CSMD1: variants seen among roughly 807,000 people sequenced by gnomAD.
The protein encoded by CSMD1 is CUB and Sushi multiple domains 1.
Under a neutral mutation model 417.5 loss-of-function variants are expected in CSMD1, and 213 were observed. The observed-to-expected ratio is 0.51, with a 90% CI of 0.46 to 0.57. The LOEUF (loss-of-function observed/expected upper bound fraction) is 0.57, where lower values mean the gene tolerates loss of function less well. Ranked by LOEUF, CSMD1 falls within the 20% of genes least tolerant of loss-of-function variation. The pLI, the probability that CSMD1 is intolerant of heterozygous loss-of-function variation, is 0.00. For missense variants in CSMD1, 6,923 were observed against 4,529.7 expected, an observed-to-expected ratio of 1.53 and a Z score of -15.17; for synonymous variants, 2,862 against 1,736.8, an observed-to-expected ratio of 1.65 and a Z score of -16.11.
chr8:3,081,635 A>G, intron 49 of CSMD1, among the ~76,000 whole-genome samples: 1 of 152,182 alleles, frequency 6.6e-6, no homozygotes, highest in East Asian at 1.9e-4. Context: ...ATTTATAACC[A>G]CTTTTGACCA....
chr8:3,198,513 GT>G (rs1796822191), intron 33 of CSMD1, among the ~76,000 whole-genome samples: 1 of 152,178 alleles, frequency 6.6e-6, no homozygotes, highest in Non-Finnish European at 1.5e-5. Flanking sequence ...TTATAACAAT[GT>G]AACACCTTTT....
chr8:4,756,404 A>C lies in CSMD1; in HGVS notation c.86-118846T>G, dbSNP rs568145369. Among the ~76,000 whole-genome samples the C allele has an allele frequency of 3.3e-5, 5 of 152,334 alleles. No homozygotes were observed. The East Asian group carries it at 9.6e-4, about 29-fold the overall frequency. ...GTTTTTTTCTGACCCGACCAAGTTG[A>C]AGAACAGTGGTGAGTTCATCATGAC... On this transcript the variant is annotated intron_variant, in intron 1 of 69. Coordinates refer to ENST00000635120, the MANE Select transcript of CSMD1 (RefSeq NM_033225.6).
rs561497643 is a variant in CSMD1, at chr8:3,809,003, G to T, written c.819-54961C>A. On this transcript the variant is annotated intron_variant, in intron 5 of 69. Transcript: ENST00000635120. Reference sequence around the variant, plus strand: ...AAACAGGTTTGAGTCAACATGACATGGATGATTCAAGGATGCTGGAAGGCA... The same window carrying T: ...AAACAGGTTTGAGTCAACATGACATTGATGATTCAAGGATGCTGGAAGGCA... Among the ~76,000 whole-genome samples the T allele has an allele frequency of 3.9e-5, 6 of 152,274 alleles. No homozygotes were observed. The East Asian group carries it at 1.2e-3, about 29-fold the overall frequency.
intron 3 of CSMD1, among the ~76,000 whole-genome samples, chr8:4,144,608 A>T (rs1031192720): frequency 7.3e-5 from 11 of 150,998 alleles, no homozygotes; most frequent in African/African-American, 2.7e-4. Flanking sequence ...AGAGGTGAAG[A>T]CAAGCTTGTT....
chr8:4,137,155 T>A (rs549891562), intron 3 of CSMD1, among the ~76,000 whole-genome samples: 1 of 152,192 alleles, frequency 6.6e-6, no homozygotes, highest in Non-Finnish European at 1.5e-5. Context: ...ATGCTGTAAA[T>A]AGGTTATCCA....
intron 10 of CSMD1, among the ~76,000 whole-genome samples, chr8:3,495,130 G>C (rs535300288): frequency 1.0e-3 from 156 of 152,280 alleles, no homozygotes; most frequent in African/African-American, 3.5e-3. Context: ...TTTGAAATAG[G>C]TGTCGAGGTT....
intron 10 of CSMD1, among the ~76,000 whole-genome samples, chr8:3,510,855 TG>T (rs1797035509): frequency 6.6e-6 from 1 of 151,828 alleles, no homozygotes; most frequent in South Asian, 2.1e-4. Flanking sequence ...TTGATGGGGT[TG>T]TTTTTTCCTT....
chr8:3,673,768 G>A (rs963804923), intron 7 of CSMD1, among the ~76,000 whole-genome samples: 1 of 152,156 alleles, frequency 6.6e-6, no homozygotes. Context: ...AAGCATGAAA[G>A]CATGAAGGTG....
intron 3 of CSMD1, among the ~76,000 whole-genome samples, chr8:4,266,827 T>C (rs114479223): frequency 0.025 from 2,572 of 104,500 alleles, 470 homozygotes; most frequent in African/African-American, 0.061. Flanking sequence ...TGACTTTTCA[T>C]TTACTGCAAA....
intron 10 of CSMD1, among the ~76,000 whole-genome samples, chr8:3,546,736 G>A (rs528980041): frequency 1.9e-4 from 29 of 152,302 alleles, no homozygotes; most frequent in African/African-American, 7.0e-4. Flanking sequence ...AAAAGGAGCT[G>A]CAGAAATCAG....
intron 3 of CSMD1, among the ~76,000 whole-genome samples, chr8:4,411,860 G>A (rs115934252): frequency 1.3e-5 from 2 of 152,012 alleles, no homozygotes; most frequent in African/African-American, 2.4e-5. Context: ...GAATTATGTT[G>A]CATTTTTTTT....
chr8:4,173,583 A>T (rs1421772421), intron 3 of CSMD1, among the ~76,000 whole-genome samples: 1 of 152,138 alleles, frequency 6.6e-6, no homozygotes, highest in Non-Finnish European at 1.5e-5. Context: ...TAACAATATG[A>T]TTCGCTGGGT....
intron 10 of CSMD1, among the ~76,000 whole-genome samples, chr8:3,533,741 A>C (rs1419584451): frequency 2.6e-5 from 4 of 152,204 alleles, no homozygotes; most frequent in Non-Finnish European, 4.4e-5. Context: ...ACTAAGCTCC[A>C]AGGTGCTTGA....
rs3214964 is a variant in CSMD1, at chr8:2,937,890, ATTTTT to A, written c.*690_*694del. ...TGTATAAACCCTGTGTAAATAATTT[ATTTTT>A]TTTATCAGAATCTTAGTCATTCATA... On this transcript the variant is annotated 3_prime_UTR_variant, in exon 70 of 70. Transcript: ENST00000635120. 1.3e-5 allele frequency: 2 copies of A among 152,456 alleles called. No individual in the cohort carries two copies. Among genetic ancestry groups the A allele is most frequent in the South Asian group, 2.1e-4 (1 of 4,818 alleles). 9.4% of individuals were successfully genotyped at this position (152,456 alleles called of 1,614,324 possible).
At chr8:2,988,273 T>G (rs887344507) in intron 54 of CSMD1, among the ~76,000 whole-genome samples, 3 of 152,168 alleles carry the variant, frequency 2.0e-5, no homozygotes, top group Admixed American at 6.5e-5. Context: ...TTCTTAATTT[T>G]CTTTATGCTT....
intron 1 of CSMD1, among the ~76,000 whole-genome samples, chr8:4,769,495 GA>G (rs1270295412): frequency 2.6e-5 from 4 of 152,138 alleles, no homozygotes; most frequent in African/African-American, 7.2e-5. Flanking sequence ...TATAACATTT[GA>G]AAAAAATTAT....
chr8:4,571,485 G>C (rs1265630738), intron 2 of CSMD1, among the ~76,000 whole-genome samples: 2 of 152,196 alleles, frequency 1.3e-5, no homozygotes, highest in Non-Finnish European at 1.5e-5. Context: ...GTTCTAATTT[G>C]ATTGCACTGT....
intron 5 of CSMD1, among the ~76,000 whole-genome samples, chr8:3,985,361 G>C (rs944951103): frequency 6.6e-6 from 1 of 152,066 alleles, no homozygotes; most frequent in Admixed American, 6.6e-5. Context: ...GCATTGTTTT[G>C]TTTTCCTTTC....
chr8:3,257,081 G>A (rs10106690), intron 26 of CSMD1, among the ~76,000 whole-genome samples: 6 of 152,162 alleles, frequency 3.9e-5, no homozygotes, highest in African/African-American at 1.4e-4. Flanking sequence ...CAGCACTTTG[G>A]GAGGCCAAGG....
Sources: allele counts gnomAD v4.1 joint callset (sites outside exome capture counted in the v4.1 genomes callset), GRCh38; gene constraint gnomAD v4.1.1; transcripts MANE v1.5; gene names NCBI Gene and HGNC (gene_info 2026-07-23, HGNC 2026-07-21).